AMZ2: variants seen among roughly 807,000 people sequenced by gnomAD.
AMZ2 encodes the protein archaemetzincin-2.
In AMZ2, 26 loss-of-function variants were observed where a neutral mutation model predicts 36.7. That is an observed-to-expected ratio of 0.71 (90% CI 0.52 to 0.98). The LOEUF (loss-of-function observed/expected upper bound fraction) is 0.98, where lower values mean the gene tolerates loss of function less well. Ranked by LOEUF, AMZ2 falls within the 50% of genes least tolerant of loss-of-function variation. The pLI, the probability that AMZ2 is intolerant of heterozygous loss-of-function variation, is 0.00. For synonymous variants in AMZ2, 144 were observed against 149.1 expected (o/e 0.97, Z 0.25); for missense variants, 394 against 430.5 (o/e 0.92, Z 0.75).
chr17:68,230,223 C>A (rs530620104), intron 1 of AMZ2, among the ~76,000 whole-genome samples: 4 of 152,170 alleles, frequency 2.6e-5, no homozygotes, highest in Non-Finnish European at 5.9e-5. Flanking sequence ...CAGGTGCCCA[C>A]CACCATACCT....
chr17:68,235,772 T>C lies in AMZ2; in HGVS notation c.-66-12868T>C, dbSNP rs2073771302. Among the ~76,000 whole-genome samples the C allele has an allele frequency of 1.3e-5, 2 of 151,982 alleles. No homozygotes were observed. The highest frequency in any genetic ancestry group is 2.9e-5 in the Non-Finnish European group (2 of 67,998). On this transcript the variant is annotated intron_variant, in intron 1 of 7. Coordinates refer to the AMZ2 transcript ENST00000674770. This position sits in a 1 kb window ranked among gnomAD's most constrained non-coding sequence, Gnocchi z 4.2. ...TGGCTTTTTGGTACGTGCTGTGCCCTCAGCCTGGGCTGCCGTGGACTGGCC... is the reference window on the plus strand; with the variant it reads ...TGGCTTTTTGGTACGTGCTGTGCCCCCAGCCTGGGCTGCCGTGGACTGGCC...
chr17:68,209,629 TA>T (rs1382227667), intron 1 of AMZ2, among the ~76,000 whole-genome samples: 2,363 of 108,596 alleles, frequency 0.022, 106 homozygotes, highest in African/African-American at 0.074. Context: ...TATATATATA[TA>T]TATTTTTTTT....
At chr17:68,229,725 G>T (rs577490582) in intron 1 of AMZ2, among the ~76,000 whole-genome samples, 1 of 152,344 alleles carries the variant, frequency 6.6e-6, no homozygotes, top group Non-Finnish European at 1.5e-5. Flanking sequence ...CCAAGAATGA[G>T]TTCCATGTTA....
upstream of AMZ2, among the ~76,000 whole-genome samples, chr17:68,243,142 ATT>A (rs34318289): frequency 6.8e-6 from 1 of 147,024 alleles, no homozygotes; most frequent in African/African-American, 2.5e-5. Flanking sequence ...TTGAGAAATG[ATT>A]TTTTTTTTTT....
chr17:68,242,998 C>A (rs1214264132), upstream of AMZ2, among the ~76,000 whole-genome samples: 1 of 147,422 alleles, frequency 6.8e-6, no homozygotes, highest in Non-Finnish European at 1.5e-5. Flanking sequence ...GAGCCGTGAT[C>A]ACACTACTGT....
chr17:68,225,905 G>A (rs2144571484), intron 1 of AMZ2, among the ~76,000 whole-genome samples: 1 of 152,230 alleles, frequency 6.6e-6, no homozygotes, highest in East Asian at 1.9e-4. Flanking sequence ...ATTATAGCAT[G>A]AGCCACTGCA....
chr17:68,239,310 G>T (rs2073854705), intron 1 of AMZ2, among the ~76,000 whole-genome samples: 1 of 152,066 alleles, frequency 6.6e-6, no homozygotes, highest in East Asian at 1.9e-4. Flanking sequence ...CCCACCTCTG[G>T]GCTGCTTGCC....
intron 1 of AMZ2, among the ~76,000 whole-genome samples, chr17:68,240,471 GA>G (rs2073879102): frequency 6.6e-6 from 1 of 152,146 alleles, no homozygotes; most frequent in African/African-American, 2.4e-5. Flanking sequence ...CAAAAAGATG[GA>G]AAAATGTGAG....
At chr17:68,228,526 C>T (rs1242280873) in intron 1 of AMZ2, among the ~76,000 whole-genome samples, 2 of 152,346 alleles carry the variant, frequency 1.3e-5, no homozygotes, top group African/African-American at 4.8e-5. Context: ...CTTGCCTCCC[C>T]TCCTTGGGAG....
chr17:68,218,360 A>ATT (rs11388380), intron 1 of AMZ2, among the ~76,000 whole-genome samples: 14 of 149,426 alleles, frequency 9.4e-5, no homozygotes, highest in South Asian at 8.5e-4. Context: ...ATTATGTTTT[A>ATT]TTTTTTTTTT....
chr17:68,244,578 C>T (rs1391091659), upstream of AMZ2, among the ~76,000 whole-genome samples: 2 of 152,120 alleles, frequency 1.3e-5, no homozygotes, highest in African/African-American at 2.4e-5. Flanking sequence ...TGAGCCACCT[C>T]GCCCAGCCTG....
intron 4 of AMZ2, among the ~76,000 whole-genome samples, chr17:68,251,735 T>G (rs1305535949): frequency 6.6e-6 from 1 of 152,218 alleles, no homozygotes; most frequent in Non-Finnish European, 1.5e-5. Flanking sequence ...TAAATGTCAG[T>G]AATTCAGTAG....
chr17:68,221,030 C>T (rs1456212624), intron 1 of AMZ2, among the ~76,000 whole-genome samples: 7 of 151,852 alleles, frequency 4.6e-5, no homozygotes, highest in African/African-American at 1.2e-4. Flanking sequence ...GTGATCCACC[C>T]GCCTCGGCCC....
chr17:68,253,675 C>T (rs1203591937), intron 4 of AMZ2, among the ~76,000 whole-genome samples: 4 of 152,080 alleles, frequency 2.6e-5, no homozygotes, highest in Non-Finnish European at 4.4e-5. Flanking sequence ...GAGGGAAGGC[C>T]AGCAACCCCT....
chr17:68,209,633 T>TATATATATATATGTATATATA (rs1555725395), intron 1 of AMZ2, among the ~76,000 whole-genome samples: 3 of 78,858 alleles, frequency 3.8e-5, no homozygotes, highest in Admixed American at 1.2e-4. Flanking sequence ...TATATATATA[T>TATATATATATATGTATATATA]TTTTTTTTTT....
chr17:68,239,982 G>A (rs1203549412), intron 1 of AMZ2, among the ~76,000 whole-genome samples: 6 of 152,228 alleles, frequency 3.9e-5, no homozygotes, highest in African/African-American at 1.4e-4. Context: ...CATGAAATGA[G>A]AGGGTGTATT....
upstream of AMZ2, among the ~76,000 whole-genome samples, chr17:68,244,359 T>G (rs1555734719): frequency 1.3e-5 from 2 of 152,214 alleles, no homozygotes; most frequent in African/African-American, 4.8e-5. Flanking sequence ...TCATCTCAGC[T>G]CACTGCAACC....
intron 1 of AMZ2, among the ~76,000 whole-genome samples, chr17:68,211,718 ATATATG>A (rs1190642431): frequency 2.7e-5 from 4 of 146,294 alleles, no homozygotes; most frequent in African/African-American, 7.6e-5. Context: ...GTATATGTAT[ATATATG>A]TATATGTATA....
At chr17:68,221,282 A>C in intron 1 of AMZ2, among the ~76,000 whole-genome samples, 1 of 121,584 alleles carries the variant, frequency 8.2e-6, no homozygotes, top group Non-Finnish European at 1.6e-5. Flanking sequence ...TTATTTATTT[A>C]GTAGAGTCAG....
Sources: gnomAD v4.1 joint callset for allele counts (sites outside exome capture counted in the v4.1 genomes callset) on GRCh38, gnomAD v4.1.1 for gene constraint, Gnocchi (gnomAD v3.1) non-coding constraint, MANE v1.5 for transcripts, NCBI Gene and HGNC (gene_info 2026-07-23, HGNC 2026-07-21) for gene names.